The following PIK3CB variants were observed in gnomAD, a reference collection of about 807,000 sequenced individuals.
PIK3CB encodes phosphatidylinositol-4,5-bisphosphate 3-kinase catalytic subunit beta.
A neutral mutation model predicts 136.8 loss-of-function variants in PIK3CB; 39 were observed. The ratio of observed to expected loss-of-function variants is 0.29; its 90% CI spans 0.22 to 0.37. The LOEUF is 0.37. Ranked by LOEUF, PIK3CB falls within the 10% of genes least tolerant of loss-of-function variation. The pLI is 1.00. For missense variants in PIK3CB, 868 were observed against 1,275.4 expected (o/e 0.68, Z 4.87); for synonymous variants, 428 against 436.6 (o/e 0.98, Z 0.25).
At chr3:138,729,922 G>A (rs933484099) in intron 8 of PIK3CB, among the ~76,000 whole-genome samples, 22 of 151,986 alleles carry the variant, frequency 1.4e-4, no homozygotes, top group African/African-American at 4.8e-4. Context: ...ATTTGAAATT[G>A]TACTGGGATT....
intron 8 of PIK3CB, among the ~76,000 whole-genome samples, chr3:138,716,254 A>G (rs927419036): frequency 3.9e-5 from 6 of 152,182 alleles, no homozygotes; most frequent in Non-Finnish European, 2.9e-5. Context: ...TAATCCTTCA[A>G]GTCCCCTGGT....
chr3:138,795,523 T>C lies in PIK3CB; in HGVS notation c.-17+940A>G, dbSNP rs543644542. Among the ~76,000 whole-genome samples the C allele has an allele frequency of 1.1e-4, 17 of 151,880 alleles. No homozygotes were observed. The South Asian group carries it at 3.3e-3, about 30-fold the overall frequency. On this transcript the variant is annotated intron_variant, in intron 2 of 23. Coordinates refer to ENST00000674063, the MANE Select transcript of PIK3CB (RefSeq NM_006219.3). ...GCACACGCCTGTAGTCCCAGCTACTTGAGAGGCTGAGGCAGGGGAATAGCT... is the reference window on the plus strand; with the variant it reads ...GCACACGCCTGTAGTCCCAGCTACTCGAGAGGCTGAGGCAGGGGAATAGCT...
At chr3:138,698,324 T>C (rs527309449) in intron 13 of PIK3CB, among the ~76,000 whole-genome samples, 1 of 152,218 alleles carries the variant, frequency 6.6e-6, no homozygotes, top group Non-Finnish European at 1.5e-5. Flanking sequence ...GGTGGGTTGT[T>C]TGAATTGAAT....
rs2043172242 is a variant in PIK3CB, at chr3:138,655,310, G to C, written c.*79C>G. On this transcript the variant is annotated 3_prime_UTR_variant, in exon 24 of 24. Transcript: ENST00000674063. ...CATTCCCTTTATAACATCTCTAACA[G>C]GGTCATGTTCAATTTAGTGCAAGTG... 2.2e-6 allele frequency: 3 copies of C among 1,369,656 alleles called. No individual in the cohort carries two copies. The highest frequency in any genetic ancestry group is 3.1e-6 in the Non-Finnish European group (3 of 969,624). 84.8% of individuals were successfully genotyped at this position (1,369,656 alleles called of 1,614,324 possible).
chr3:138,743,281 G>GA (rs1467369325), intron 4 of PIK3CB, among the ~76,000 whole-genome samples: 1 of 152,106 alleles, frequency 6.6e-6, no homozygotes, highest in African/African-American at 2.4e-5. Context: ...AGGGAATACG[G>GA]AAAATCTCTG....
chr3:138,780,855 T>G (rs1431212857), intron 2 of PIK3CB, among the ~76,000 whole-genome samples: 1 of 152,100 alleles, frequency 6.6e-6, no homozygotes, highest in Non-Finnish European at 1.5e-5. Context: ...GTTTTTTTGT[T>G]TTGTTTTTTT....
intron 19 of PIK3CB, among the ~76,000 whole-genome samples, chr3:138,678,813 A>G (rs2043702043): frequency 6.6e-6 from 1 of 152,172 alleles, no homozygotes; most frequent in African/African-American, 2.4e-5. Context: ...AAAGAAATCA[A>G]ACCTTGTATA....
At chr3:138,698,630 G>T (rs914397923) in intron 13 of PIK3CB, among the ~76,000 whole-genome samples, 1 of 152,080 alleles carries the variant, frequency 6.6e-6, no homozygotes, top group Non-Finnish European at 1.5e-5. Context: ...AGGTACCCAC[G>T]TCTTAGAAAG....
chr3:138,825,447 G>A (rs1035075268), intron 1 of PIK3CB: 1 of 695,558 alleles, frequency 1.4e-6, no homozygotes, highest in East Asian at 2.5e-5. Context: ...ACAGATATGA[G>A]GAAATCATTA....
chr3:138,779,037 A>AC (rs1175043587), intron 2 of PIK3CB, among the ~76,000 whole-genome samples: 2 of 151,404 alleles, frequency 1.3e-5, no homozygotes, highest in African/African-American at 4.9e-5. Flanking sequence ...CAAAAAAAAA[A>AC]ATAGCAACAC....
At chr3:138,743,951 AT>A (rs1468219936) in intron 4 of PIK3CB, among the ~76,000 whole-genome samples, 1 of 152,192 alleles carries the variant, frequency 6.6e-6, no homozygotes, top group Non-Finnish European at 1.5e-5. Flanking sequence ...GTTAACACTT[AT>A]TTTGTATGTT....
chr3:138,827,551 T>C (rs1166497338), intron 1 of PIK3CB, among the ~76,000 whole-genome samples: 2 of 151,876 alleles, frequency 1.3e-5, no homozygotes, highest in Non-Finnish European at 2.9e-5. Flanking sequence ...TATATGCCTA[T>C]AGTACTATTA....
chr3:138,669,424 A>G (rs2043485037), intron 19 of PIK3CB, among the ~76,000 whole-genome samples: 1 of 134,156 alleles, frequency 7.5e-6, no homozygotes, highest in Admixed American at 7.3e-5. Flanking sequence ...AAAAAAAAAA[A>G]AAGGGGGGGG....
At chr3:138,732,720 G>GAAAAAAA (rs68137286) in intron 8 of PIK3CB, among the ~76,000 whole-genome samples, 7 of 109,266 alleles carry the variant, frequency 6.4e-5, no homozygotes, top group East Asian at 2.4e-4. Flanking sequence ...GGAAAGAAAA[G>GAAAAAAA]AAAAAAAAAA....
At chr3:138,700,695 ATAG>A (rs1316539390) in intron 12 of PIK3CB, among the ~76,000 whole-genome samples, 2 of 6,872 alleles carry the variant, frequency 2.9e-4, no homozygotes, top group African/African-American at 4.4e-4. Flanking sequence ...CTCTAAAAAG[ATAG>A]ATAGATAGAT....
At position 138,699,042 on chromosome 3, in the gene PIK3CB, A is replaced by C. The variant is rs1304149814; in HGVS notation, c.1635T>G (p.Asp545Glu). 6.3e-7 allele frequency: 1 copy of C among 1,599,700 alleles called. No homozygotes were observed. Among genetic ancestry groups the C allele is most frequent in the South Asian group, 1.1e-5 (1 of 89,194 alleles). Residue 545 changes from aspartate to glutamate, a missense_variant, in exon 13 of 24, where the codon GAT becomes GAG. By Grantham distance (45) the Asp-to-Glu change is conservative (BLOSUM62 2). Transcript: ENST00000674063. ...CATTTTCACACAGTTGAGACAAGGGATCCCTGTCCAAGATTTCTTTCAATA... is the reference window on the plus strand; with the variant it reads ...CATTTTCACACAGTTGAGACAAGGGCTCCCTGTCCAAGATTTCTTTCAATA... ...LPVLKEILDR[D>E]PLSQLCENEM...
At chr3:138,766,579 A>G (rs1466931920) in intron 2 of PIK3CB, among the ~76,000 whole-genome samples, 1 of 152,196 alleles carries the variant, frequency 6.6e-6, no homozygotes, top group East Asian at 1.9e-4. Context: ...ACAAAGAAAA[A>G]TTTTATCCTT....
chr3:138,759,017 C>T (rs2045621551), intron 3 of PIK3CB, among the ~76,000 whole-genome samples, 156 bp downstream of exon 3: 1 of 152,166 alleles, frequency 6.6e-6, no homozygotes, highest in African/African-American at 2.4e-5. Context: ...ACAAACATTT[C>T]AAACTAGCTA....
At chr3:138,778,674 G>C (rs542508295) in intron 2 of PIK3CB, 66 of 206,754 alleles carry the variant, frequency 3.2e-4, no homozygotes, top group African/African-American at 1.5e-3. Flanking sequence ...CCAACTAACA[G>C]TGATAACAAC....
Sources: gnomAD v4.1 joint callset for allele counts (sites outside exome capture counted in the v4.1 genomes callset) on GRCh38, gnomAD v4.1.1 for gene constraint, MANE v1.5 for transcripts, NCBI Gene and HGNC (gene_info 2026-07-23, HGNC 2026-07-21) for gene names.